USP43: variants seen among roughly 807,000 people sequenced by gnomAD.
USP43 encodes ubiquitin specific peptidase 43.
Under a neutral mutation model 90.7 loss-of-function variants are expected in USP43, and 33 were observed. The ratio of observed to expected loss-of-function variants is 0.36; its 90% CI spans 0.28 to 0.49. The LOEUF (loss-of-function observed/expected upper bound fraction) is 0.49, where lower values mean the gene tolerates loss of function less well. USP43 is among the 20% of genes least tolerant of loss of function. The pLI, the probability that USP43 is intolerant of heterozygous loss-of-function variation, is 0.98. For missense variants in USP43, 1,274 were observed against 1,476.4 expected (o/e 0.86, Z 2.25); for synonymous variants, 598 against 615.8 (o/e 0.97, Z 0.43).
chr17:9,681,914 G>A (rs149113238), intron 6 of USP43, among the ~76,000 whole-genome samples: 1 of 152,276 alleles, frequency 6.6e-6, no homozygotes, highest in Non-Finnish European at 1.5e-5. Context: ...GATGTTTGAA[G>A]TTCTCTGAGT....
chr17:9,724,994 G>T (rs1305678820), intron 14 of USP43, among the ~76,000 whole-genome samples: 1 of 152,156 alleles, frequency 6.6e-6, no homozygotes, highest in Non-Finnish European at 1.5e-5. Flanking sequence ...AAACACCTGA[G>T]TATGGATTGA....
At chr17:9,672,150 C>T (rs1462715196) in intron 3 of USP43, among the ~76,000 whole-genome samples, 2 of 152,158 alleles carry the variant, frequency 1.3e-5, no homozygotes, top group Non-Finnish European at 2.9e-5. Flanking sequence ...TCACCTGCCA[C>T]CACGCCCGGC....
intron 9 of USP43, among the ~76,000 whole-genome samples, chr17:9,693,749 A>G (rs1224644449): frequency 6.6e-6 from 1 of 152,146 alleles, no homozygotes; most frequent in Non-Finnish European, 1.5e-5. Flanking sequence ...GAGGCAGGGG[A>G]ATTGCTTGAA....
chr17:9,676,010 T>C (rs370943597), intron 4 of USP43, among the ~76,000 whole-genome samples: 1 of 152,106 alleles, frequency 6.6e-6, no homozygotes, highest in Non-Finnish European at 1.5e-5. Context: ...AGAGAAACAG[T>C]AGCTGCAAGA....
chr17:9,712,838 T>A (rs1339292862), intron 14 of USP43, among the ~76,000 whole-genome samples: 1 of 152,204 alleles, frequency 6.6e-6, no homozygotes, highest in Non-Finnish European at 1.5e-5. Context: ...TTAATCATTG[T>A]TTTTAAAAAA....
chr17:9,678,412 A>G (rs749978214), intron 5 of USP43, among the ~76,000 whole-genome samples: 1 of 152,190 alleles, frequency 6.6e-6, no homozygotes, highest in East Asian at 1.9e-4. Flanking sequence ...GCTGGAGTGC[A>G]GTGGCACGAT....
chr17:9,645,912 G>A lies in USP43; in HGVS notation c.280G>A (p.Gly94Arg), dbSNP rs1331030341. 1.4e-6 allele frequency: 2 copies of A among 1,471,272 alleles called. No homozygotes were observed. Among genetic ancestry groups the A allele is most frequent in the African/African-American group, 3.0e-5 (2 of 67,324 alleles). 91.1% of individuals were successfully genotyped at this position (1,471,272 alleles called of 1,614,324 possible). A position where few individuals can be genotyped will look rare whatever the true frequency, so the allele number is the denominator to read the frequency against. Reference protein sequence around the residue: ...QPQLQLPAGDGARPPGAQGLK... With the variant: ...QPQLQLPAGDRARPPGAQGLK... ...CCAGCTCCAGCTCCCCGCCGGCGAT[G>A]GGGCGCGGCCGCCGGGCGCTCAGGG... Residue 94 changes from glycine to arginine, a missense_variant, in exon 1 of 15, where the codon GGG becomes AGG. Around this residue, in one of 6 missense-constraint regions of USP43, gnomAD observed 259 missense variants for 373.7 expected, o/e 0.69. Transcript: ENST00000285199. This position sits in a 1 kb window ranked among gnomAD's most constrained non-coding sequence, Gnocchi z 6.8.
At position 9,728,542 on chromosome 17, in the gene USP43, C is replaced by T. The variant is rs1917403214; in HGVS notation, c.2924C>T (p.Ser975Phe). 2 of 1,613,886 alleles carry T rather than the reference C, an allele frequency of 1.2e-6. No individual in the cohort carries two copies. Among genetic ancestry groups the T allele is most frequent in the South Asian group, 1.1e-5 (1 of 91,088 alleles). The change falls in exon 15 of 15, where the codon TCT becomes TTT. Residue 975 changes from serine (S) to phenylalanine (F), a missense_variant. Physicochemically the swap from Ser to Phe is radical, Grantham distance 155. This residue lies in a region of USP43 where 353 missense variants were observed against 329.7 expected (regional missense o/e 1.07). Coordinates refer to ENST00000285199, the MANE Select transcript of USP43 (RefSeq NM_153210.5). The surrounding 1 kb of genome is among the most constrained non-coding windows in gnomAD (Gnocchi z 6.2). ...CCACCCTCCCCCTATATGGGATTCT[C>T]TGGAAACAGCAAAGACAGTCGCCGA... is the stretch of plus-strand genomic sequence containing the variant. ...SSPPSPYMGF[S>F]GNSKDSRRGT...
chr17:9,723,299 G>A (rs148740645), intron 14 of USP43, among the ~76,000 whole-genome samples: 9 of 152,180 alleles, frequency 5.9e-5, no homozygotes, highest in Admixed American at 2.0e-4. Flanking sequence ...GCCTAGGTGC[G>A]GGTTTTTGTT....
chr17:9,722,421 C>A (rs918677015), intron 14 of USP43, among the ~76,000 whole-genome samples: 12 of 152,134 alleles, frequency 7.9e-5, no homozygotes, highest in African/African-American at 2.7e-4. Context: ...ATAATTGGAG[C>A]CTTCAGTCCA....
chr17:9,712,684 G>A (rs987548429), intron 14 of USP43, among the ~76,000 whole-genome samples: 2 of 152,204 alleles, frequency 1.3e-5, no homozygotes, highest in Non-Finnish European at 2.9e-5. Context: ...AGTAGAGAGA[G>A]CAGGAGTGGA....
chr17:9,727,460 G>T (rs1917332512), intron 14 of USP43, among the ~76,000 whole-genome samples: 1 of 151,772 alleles, frequency 6.6e-6, no homozygotes, highest in Admixed American at 6.6e-5. Flanking sequence ...TGTATAGGTT[G>T]GTGCAAAAGT....
chr17:9,646,103 C>T lies in USP43; in HGVS notation c.471C>T (p.Arg157=), dbSNP rs987247507. 41 of 1,497,974 alleles carry T rather than the reference C, an allele frequency of 2.7e-5. No individual in the cohort carries two copies. The East Asian group carries it at 8.5e-4, about 31-fold the overall frequency. 92.8% of individuals were successfully genotyped at this position (1,497,974 alleles called of 1,614,324 possible). A position where few individuals can be genotyped will look rare whatever the true frequency, so the allele number is the denominator to read the frequency against. The change falls in exon 1 of 15, where the codon CGC becomes CGT. Residue 157 remains arginine, a synonymous_variant. Coordinates refer to ENST00000285199, the MANE Select transcript of USP43 (RefSeq NM_153210.5). The part of the protein sequence containing the change: ...LAALVRALWT[R]EYTPQLSAEF... ...CGCTGGTGCGCGCGCTCTGGACTCGCGAATACACGCCCCAACTTTCCGCGG... is the reference window on the plus strand; with the variant it reads ...CGCTGGTGCGCGCGCTCTGGACTCGTGAATACACGCCCCAACTTTCCGCGG...
intron 5 of USP43, among the ~76,000 whole-genome samples, chr17:9,678,953 T>G (rs978588208): frequency 2.6e-5 from 4 of 152,140 alleles, no homozygotes; most frequent in Admixed American, 2.0e-4. Context: ...AATCTTCCCA[T>G]GTAACACAAG....
chr17:9,666,711 G>T lies in USP43; in HGVS notation c.700G>T (p.Gly234Cys). 6.2e-7 allele frequency: 1 copy of T among 1,613,420 alleles called. No homozygotes were observed. The highest frequency in any genetic ancestry group is 1.1e-5 in the South Asian group (1 of 90,882). The change falls in exon 3 of 15, where the codon GGT (glycine) becomes TGT (cysteine). Residue 234 changes from glycine (G) to cysteine (C), a missense_variant. Transcript: ENST00000285199. ...CLSPSAQLPL[G>C]QSFVQSHFQA... ...GTCACCATCAGCTCAGCTTCCTCTAGGTCAAAGCTTTGTGCAAAGCCACTT... is the reference window on the plus strand; with the variant it reads ...GTCACCATCAGCTCAGCTTCCTCTATGTCAAAGCTTTGTGCAAAGCCACTT...
chr17:9,700,318 C>T (rs1001702422), intron 10 of USP43, 69 bp downstream of exon 10: 27 of 1,465,768 alleles, frequency 1.8e-5, no homozygotes, highest in South Asian at 3.7e-5. Flanking sequence ...TTTCCCTGGA[C>T]GCAGCTTCCC....
At chr17:9,681,462 T>C (rs1205363646) in intron 6 of USP43, among the ~76,000 whole-genome samples, 269 of 18,542 alleles carry the variant, frequency 0.015, 1 homozygote, top group Non-Finnish European at 0.018. Context: ...ATAAAATATA[T>C]TATATATATA....
At chr17:9,710,962 T>A (rs1475818396) in intron 13 of USP43, among the ~76,000 whole-genome samples, 1 of 152,080 alleles carries the variant, frequency 6.6e-6, no homozygotes, top group Non-Finnish European at 1.5e-5. Context: ...CTCCTAACAG[T>A]TATCAGAAAA....
chr17:9,699,031 TG>T, intron 9 of USP43, among the ~76,000 whole-genome samples: 1 of 152,314 alleles, frequency 6.6e-6, no homozygotes, highest in East Asian at 1.9e-4. Context: ...CTCCTCAGAA[TG>T]GAATATTTGT....
Sources: allele counts gnomAD v4.1 joint callset (sites outside exome capture counted in the v4.1 genomes callset), GRCh38; gene constraint gnomAD v4.1.1; regional missense constraint gnomAD v4.1.1; non-coding constraint Gnocchi (gnomAD v3.1); transcripts MANE v1.5; gene names NCBI Gene and HGNC (gene_info 2026-07-23, HGNC 2026-07-21).